Variants in CEMIP observed in about 807,000 individuals in gnomAD.
The protein encoded by CEMIP is cell migration inducing hyaluronidase 1.
CEMIP carries 105 observed loss-of-function variants against 156.9 expected under a neutral mutation model. The ratio of observed to expected loss-of-function variants is 0.67; its 90% CI spans 0.57 to 0.79. The LOEUF is 0.79. CEMIP is among the 30% of genes least tolerant of loss of function. The probability of loss-of-function intolerance (pLI) is 0.00; values close to 1 mark genes in which losing one functional copy is unlikely to be tolerated. For synonymous variants in CEMIP, 676 were observed against 668.4 expected, an observed-to-expected ratio of 1.01 and a Z score of -0.17; for missense variants, 1,457 against 1,769.4, an observed-to-expected ratio of 0.82 and a Z score of 3.17.
chr15:80,920,882 G>T, intron 15 of CEMIP, 150 bp from the exon 16 acceptor site: 1 of 682,184 alleles, frequency 1.5e-6, no homozygotes. Flanking sequence ...TTAGAAAACT[G>T]GGTTTCAGAT....
intron 1 of CEMIP, among the ~76,000 whole-genome samples, chr15:80,793,868 A>G (rs1054421706): frequency 6.6e-6 from 1 of 152,232 alleles, no homozygotes; most frequent in Non-Finnish European, 1.5e-5. Flanking sequence ...GGATAGGATG[A>G]AAAACAAACA....
At chr15:80,786,940 T>C (rs903625597) in intron 1 of CEMIP, among the ~76,000 whole-genome samples, 11 of 152,366 alleles carry the variant, frequency 7.2e-5, no homozygotes, top group African/African-American at 2.2e-4. Context: ...TCCTTTTTCA[T>C]TGATGTCAAA....
chr15:80,904,937 T>C (rs1035205460), intron 12 of CEMIP, among the ~76,000 whole-genome samples: 1 of 152,194 alleles, frequency 6.6e-6, no homozygotes, highest in Non-Finnish European at 1.5e-5. Flanking sequence ...AAATTTGCCC[T>C]GCGTCAATTT....
intron 1 of CEMIP, 61 bp downstream of exon 1, chr15:80,779,675 G>T (rs1298019125): frequency 6.6e-6 from 1 of 152,466 alleles, no homozygotes; most frequent in Non-Finnish European, 1.5e-5. Context: ...CGGAAGAGAG[G>T]TAAGAAGTGG....
chr15:80,936,502 A>G (rs1237966324), intron 23 of CEMIP, among the ~76,000 whole-genome samples, 172 bp from the exon 24 acceptor site: 1 of 152,242 alleles, frequency 6.6e-6, no homozygotes, highest in Admixed American at 6.5e-5. Context: ...GTCCATCAGC[A>G]GAAAGAGATG....
Position 80,937,847 on chromosome 15 carries a change from T to C in CEMIP, c.3275T>C (p.Ile1092Thr). 1 of 1,614,214 alleles carries C rather than the reference T, an allele frequency of 6.2e-7. No homozygotes were observed. Among genetic ancestry groups the C allele is most frequent in the South Asian group, 1.1e-5 (1 of 91,080 alleles). The change falls in exon 25 of 30, where the codon ATC becomes ACC. Residue 1092 changes from isoleucine (I) to threonine (T), a missense_variant. Coordinates refer to ENST00000394685, the MANE Select transcript of CEMIP (RefSeq NM_001293298.2). ...TACCCGCGAGGCACCACATTCTCCA[T>C]CCTCTCGGATGTTCACAATCGCCTG... is the stretch of plus-strand genomic sequence containing the variant. Reference protein sequence around the residue: ...LCYPRGTTFSILSDVHNRLLK... With the variant: ...LCYPRGTTFSTLSDVHNRLLK...
intron 25 of CEMIP, among the ~76,000 whole-genome samples, chr15:80,939,463 AC>A (rs1219120644): frequency 6.6e-6 from 1 of 152,230 alleles, no homozygotes; most frequent in Non-Finnish European, 1.5e-5. Flanking sequence ...GATTAAAGTA[AC>A]AGATGTTGAT....
chr15:80,852,146 C>G (rs1897730092), intron 1 of CEMIP, among the ~76,000 whole-genome samples: 1 of 152,162 alleles, frequency 6.6e-6, no homozygotes, highest in South Asian at 2.1e-4. Flanking sequence ...CTGTTTGTTC[C>G]TTGGAACAGC....
chr15:80,941,743 G>A, intron 25 of CEMIP, 106 bp from the exon 26 acceptor site: 2 of 1,008,990 alleles, frequency 2.0e-6, no homozygotes, highest in South Asian at 2.6e-5. Flanking sequence ...AAGGCCGCTG[G>A]GTCTACCTGC....
rs1199378916 is a variant in CEMIP at position 80,950,814 on chromosome 15, G to C, written c.*1890G>C. The C allele has an allele frequency of 4.6e-5, 7 of 152,694 alleles. No homozygotes were observed. Among genetic ancestry groups the C allele is most frequent in the African/African-American group, 1.4e-4 (6 of 41,438 alleles). 9.5% of individuals were successfully genotyped at this position (152,694 alleles called of 1,614,324 possible). The stretch of plus-strand genomic sequence containing the variant: ...GTTTATAATCTTGCACGAGGCACCA[G>C]AGTCTCCCTGGGTCTTGTGATGAAC... On this transcript the variant is annotated 3_prime_UTR_variant, in exon 30 of 30. Transcript: ENST00000394685.
intron 1 of CEMIP, among the ~76,000 whole-genome samples, chr15:80,862,567 C>G (rs1567073084): frequency 6.6e-6 from 1 of 152,180 alleles, no homozygotes; most frequent in Non-Finnish European, 1.5e-5. Context: ...GAACATGTAA[C>G]TGAGCATGGA....
At position 80,906,471 on chromosome 15, in the gene CEMIP, T is replaced by C. The variant is rs1016584995; in HGVS notation, c.1412-192T>C. Among the ~76,000 whole-genome samples the C allele has an allele frequency of 1.2e-4, 19 of 152,224 alleles. No homozygotes were observed. The highest frequency in any genetic ancestry group is 4.3e-4 in the African/African-American group (18 of 41,464). On this transcript the variant is annotated intron_variant, in intron 12 of 29. Transcript: ENST00000394685. This position sits in a 1 kb window ranked among gnomAD's most constrained non-coding sequence, Gnocchi z 4.3. ...GGCTTCAGACCTAAGCCTGTGTAAC[T>C]GTGAGATCTGGGTCTGCATGCAGGC...
chr15:80,800,964 C>T (rs983539127), intron 1 of CEMIP, among the ~76,000 whole-genome samples: 1 of 152,226 alleles, frequency 6.6e-6, no homozygotes, highest in African/African-American at 2.4e-5. Context: ...TGTCCAGCTG[C>T]TTCTCCCTTC....
chr15:80,807,025 A>C (rs1299145885), intron 1 of CEMIP, among the ~76,000 whole-genome samples: 3 of 152,212 alleles, frequency 2.0e-5, no homozygotes, highest in Admixed American at 2.0e-4. Flanking sequence ...ATGGAAGTCA[A>C]TCGGTGATCA....
chr15:80,784,196 C>G (rs1483349445), intron 1 of CEMIP, among the ~76,000 whole-genome samples: 1 of 152,200 alleles, frequency 6.6e-6, no homozygotes, highest in Non-Finnish European at 1.5e-5. Context: ...ACTTTGAAAA[C>G]CTTTGAAGAC....
chr15:80,810,751 T>C (rs765518441), intron 1 of CEMIP, among the ~76,000 whole-genome samples: 5 of 152,084 alleles, frequency 3.3e-5, no homozygotes, highest in Non-Finnish European at 4.4e-5. Flanking sequence ...CACCCACTAG[T>C]CTCTCCATCT....
chr15:80,877,358 C>T (rs1226351122), intron 3 of CEMIP, among the ~76,000 whole-genome samples: 1 of 152,174 alleles, frequency 6.6e-6, no homozygotes, highest in Non-Finnish European at 1.5e-5. Flanking sequence ...TGTGAGCTTG[C>T]TTCCATTCCT....
At chr15:80,947,726 T>C (rs1901623597) in intron 29 of CEMIP, 1 of 153,674 alleles carries the variant, frequency 6.5e-6, no homozygotes, top group Admixed American at 6.4e-5. Context: ...ATAATGATCA[T>C]TGTGGTTGCT....
At chr15:80,830,314 AAG>A (rs1567061440) in intron 1 of CEMIP, among the ~76,000 whole-genome samples, 4 of 152,294 alleles carry the variant, frequency 2.6e-5, no homozygotes, top group Non-Finnish European at 4.4e-5. Flanking sequence ...AATTAGCATA[AAG>A]CAGCAGCCCC....
Sources: allele counts gnomAD v4.1 joint callset (sites outside exome capture counted in the v4.1 genomes callset), GRCh38; gene constraint gnomAD v4.1.1; non-coding constraint Gnocchi (gnomAD v3.1); transcripts MANE v1.5; gene names NCBI Gene and HGNC (gene_info 2026-07-23, HGNC 2026-07-21).